MKLN1: variants seen among roughly 807,000 people sequenced by gnomAD.
The protein encoded by MKLN1 is muskelin 1.
Under a neutral mutation model 99.0 loss-of-function variants are expected in MKLN1, and 18 were observed. That is an observed-to-expected ratio of 0.18 (90% CI 0.13 to 0.27). MKLN1 has a LOEUF of 0.27. Among genes scored for constraint, MKLN1 ranks in the 10% least tolerant of loss-of-function variants. The probability of loss-of-function intolerance (pLI) is 1.00; values close to 1 mark genes in which losing one functional copy is unlikely to be tolerated. For missense variants in MKLN1, 621 were observed against 875.9 expected (o/e 0.71, Z 3.67); for synonymous variants, 288 against 293.2 (o/e 0.98, Z 0.18).
Position 131,200,165 on chromosome 7 carries a change from A to C in MKLN1, c.-296-2692A>C, listed in dbSNP as rs375920414. Among the ~76,000 whole-genome samples, 32 of 152,308 alleles carry C rather than the reference A, an allele frequency of 2.1e-4. No homozygotes were observed. The East Asian group carries it at 4.4e-3, about 21-fold the overall frequency. ...CTGGGACTACAGGGCGTGCCACTGC[A>C]CCTGACCTAATGTGTTACTTTTAAC... On this transcript the variant is annotated intron_variant, in intron 2 of 7. Coordinates refer to the MKLN1 transcript ENST00000416992.
intron 6 of MKLN1, among the ~76,000 whole-genome samples, chr7:131,402,795 A>G (rs2116272157): frequency 6.6e-6 from 1 of 152,266 alleles, no homozygotes. Flanking sequence ...TTTTCTGAGC[A>G]GTAGGTCTCA....
intron 1 of MKLN1, among the ~76,000 whole-genome samples, chr7:131,357,686 C>T (rs188048619): frequency 1.3e-5 from 2 of 152,278 alleles, no homozygotes; most frequent in East Asian, 1.9e-4. Context: ...TCAGTTGACT[C>T]ATGTGCGCCT....
intron 3 of MKLN1, among the ~76,000 whole-genome samples, chr7:131,254,171 G>C (rs1305245881): frequency 6.6e-6 from 1 of 152,160 alleles, no homozygotes; most frequent in Non-Finnish European, 1.5e-5. Flanking sequence ...GCCATCCCGA[G>C]GGGGCTGTGC....
At chr7:131,294,753 G>A (rs1798266680) in intron 3 of MKLN1, among the ~76,000 whole-genome samples, 1 of 152,216 alleles carries the variant, frequency 6.6e-6, no homozygotes, top group African/African-American at 2.4e-5. Flanking sequence ...ATGCTGGGCA[G>A]CTTGTGTGCG....
At chr7:131,328,406 G>A (rs1359808099) in intron 1 of MKLN1, among the ~76,000 whole-genome samples, 1 of 152,162 alleles carries the variant, frequency 6.6e-6, no homozygotes, top group Non-Finnish European at 1.5e-5. Flanking sequence ...GTCGGCGTCG[G>A]GGGACAGTTC....
chr7:131,460,612 C>CT (rs1245713081), intron 12 of MKLN1, among the ~76,000 whole-genome samples: 1 of 152,206 alleles, frequency 6.6e-6, no homozygotes, highest in African/African-American at 2.4e-5. Context: ...TCCTCACAAT[C>CT]TACTTCTTCT....
chr7:131,144,292 T>A (rs1343649645), intron 2 of MKLN1, among the ~76,000 whole-genome samples: 1 of 150,762 alleles, frequency 6.6e-6, no homozygotes, highest in Admixed American at 6.6e-5. Flanking sequence ...ATCGAGACCA[T>A]CCTGTGAAAC....
chr7:131,194,477 C>T (rs1044737195), intron 2 of MKLN1, among the ~76,000 whole-genome samples: 4 of 152,152 alleles, frequency 2.6e-5, no homozygotes, highest in African/African-American at 9.7e-5. Flanking sequence ...TCCTTACAAG[C>T]TTATAAATGG....
intron 1 of MKLN1, among the ~76,000 whole-genome samples, chr7:131,121,724 T>C (rs1001480575): frequency 2.0e-5 from 3 of 148,990 alleles, no homozygotes; most frequent in Non-Finnish European, 4.5e-5. Context: ...GAATGGACTA[T>C]CACACAGGGG....
intron 3 of MKLN1, among the ~76,000 whole-genome samples, chr7:131,317,710 T>C (rs1436572305): frequency 3.7e-5 from 5 of 134,092 alleles, no homozygotes; most frequent in African/African-American, 5.8e-5. Flanking sequence ...AGGAGACCCA[T>C]CTCACATGCA....
Position 131,487,794 on chromosome 7 carries a change from C to T in MKLN1, c.*66C>T, listed in dbSNP as rs1360086857. ...ATTTTCCGTCTTTTGGATTGCAGCTCCACTGACTGACAGTAAAGCTGCAGT... is the reference window on the plus strand; with the variant it reads ...ATTTTCCGTCTTTTGGATTGCAGCTTCACTGACTGACAGTAAAGCTGCAGT... On this transcript the variant is annotated 3_prime_UTR_variant, in exon 18 of 18. Coordinates refer to ENST00000352689, the MANE Select transcript of MKLN1 (RefSeq NM_013255.5). This position sits in a 1 kb window ranked among gnomAD's most constrained non-coding sequence, Gnocchi z 4.7. 9.0e-6 allele frequency: 14 copies of T among 1,554,278 alleles called. No homozygotes were observed. The East Asian group carries it at 3.2e-4, about 35-fold the overall frequency.
intron 8 of MKLN1, among the ~76,000 whole-genome samples, chr7:131,416,146 C>T (rs909505572): frequency 4.7e-4 from 72 of 152,228 alleles, no homozygotes; most frequent in African/African-American, 1.5e-3. Flanking sequence ...TATACTAAAT[C>T]TATGTTTATT....
intron 8 of MKLN1, among the ~76,000 whole-genome samples, chr7:131,421,526 T>A (rs1479999787): frequency 6.6e-6 from 1 of 152,186 alleles, no homozygotes; most frequent in African/African-American, 2.4e-5. Context: ...TCTTATTCGA[T>A]CTTGAATGAA....
chr7:131,343,294 T>G (rs535593500), intron 1 of MKLN1, among the ~76,000 whole-genome samples: 1 of 152,342 alleles, frequency 6.6e-6, no homozygotes, highest in Admixed American at 6.5e-5. Context: ...AGGTAGACTT[T>G]TCCCTAAAGT....
At chr7:131,314,686 TGCTGGGATTACA>T (rs1465036376) in intron 3 of MKLN1, among the ~76,000 whole-genome samples, 2 of 152,088 alleles carry the variant, frequency 1.3e-5, no homozygotes, top group African/African-American at 4.8e-5. Flanking sequence ...CCACCCAAAG[TGCTGGGATTACA>T]GGCTTGAGCC....
chr7:131,409,692 A>G (rs532772627), intron 6 of MKLN1, among the ~76,000 whole-genome samples: 2 of 152,328 alleles, frequency 1.3e-5, no homozygotes, highest in South Asian at 2.1e-4. Flanking sequence ...ATTGAGTCAC[A>G]TGACAGAGTT....
At chr7:131,158,603 T>C (rs560635421) in intron 2 of MKLN1, among the ~76,000 whole-genome samples, 1 of 152,318 alleles carries the variant, frequency 6.6e-6, no homozygotes, top group African/African-American at 2.4e-5. Context: ...TCACACACTT[T>C]CCACTGATGC....
intron 2 of MKLN1, among the ~76,000 whole-genome samples, chr7:131,173,968 C>CTTTCTTTTTT (rs1796253841): frequency 8.4e-6 from 1 of 118,654 alleles, no homozygotes; most frequent in African/African-American, 3.0e-5. Context: ...AGACCTTTTT[C>CTTTCTTTTTT]TTTTTCTTTT....
chr7:131,339,598 C>T (rs1464488120), intron 1 of MKLN1, among the ~76,000 whole-genome samples: 1 of 151,748 alleles, frequency 6.6e-6, no homozygotes, highest in Non-Finnish European at 1.5e-5. Context: ...GTTTGGGAGG[C>T]TGAGGCACGA....
Sources: allele counts gnomAD v4.1 joint callset (sites outside exome capture counted in the v4.1 genomes callset), GRCh38; gene constraint gnomAD v4.1.1; non-coding constraint Gnocchi (gnomAD v3.1); transcripts MANE v1.5; gene names NCBI Gene and HGNC (gene_info 2026-07-23, HGNC 2026-07-21).